YAF2: variants seen among roughly 807,000 people sequenced by gnomAD.
The protein encoded by YAF2 is YY1-associated factor 2.
A neutral mutation model predicts 20.1 loss-of-function variants in YAF2; 7 were observed. The ratio of observed to expected loss-of-function variants is 0.35; its 90% CI spans 0.20 to 0.65. YAF2 has a LOEUF of 0.65. Ranked by LOEUF, YAF2 falls within the 30% of genes least tolerant of loss-of-function variation. YAF2 has a pLI of 0.69. For synonymous variants in YAF2, 74 were observed against 76.0 expected (o/e 0.97, Z 0.14); for missense variants, 151 against 219.2 (o/e 0.69, Z 1.96).
chr12:42,169,936 T>A (rs368152030), intron 2 of YAF2, among the ~76,000 whole-genome samples: 2 of 151,912 alleles, frequency 1.3e-5, no homozygotes, highest in East Asian at 3.9e-4. Context: ...AGTGGTACAA[T>A]CACAACTCAC....
intron 2 of YAF2, among the ~76,000 whole-genome samples, chr12:42,167,638 A>G (rs1036568847): frequency 2.0e-5 from 3 of 152,248 alleles, no homozygotes; most frequent in Non-Finnish European, 4.4e-5. Context: ...TATTAGAATT[A>G]CCATTTTTGG....
At chr12:42,204,992 C>T (rs2066999249) in intron 2 of YAF2, among the ~76,000 whole-genome samples, 1 of 151,456 alleles carries the variant, frequency 6.6e-6, no homozygotes, top group Admixed American at 6.6e-5. Flanking sequence ...CTAAAACCTA[C>T]TGAATTGTAC....
chr12:42,165,180 C>T (rs116006172), intron 2 of YAF2, among the ~76,000 whole-genome samples: 2,677 of 151,826 alleles, frequency 0.018, 82 homozygotes, highest in African/African-American at 0.06. Flanking sequence ...AGGCCCTGCC[C>T]TCATGCGCTA....
In YAF2 at chr12:42,210,811, A is replaced by C. The variant is rs1401579494; in HGVS notation, c.152+26788T>G. ...AGTAAATATGGAAACAATTTGCTAA[A>C]TATAATGTCAGTGGAAACTTCTCAC... On this transcript the variant is annotated intron_variant, in intron 2 of 3. Coordinates refer to ENST00000534854, the MANE Select transcript of YAF2 (RefSeq NM_005748.6). 6.5e-6 allele frequency: 5 copies of C among 764,306 alleles called. 1 individual carries two copies. The African/African-American group carries it at 7.0e-5, about 11-fold the overall frequency. The allele number at this position is 764,306 out of a possible 1,614,324, so 47.3% of individuals were successfully genotyped here. A position where few individuals can be genotyped will look rare whatever the true frequency, so the allele number is the denominator to read the frequency against.
chr12:42,192,019 G>T (rs2066625042), intron 2 of YAF2, among the ~76,000 whole-genome samples: 1 of 151,014 alleles, frequency 6.6e-6, no homozygotes, highest in African/African-American at 2.4e-5. Context: ...TCCAGCCTGG[G>T]CAACAGAGCA....
chr12:42,236,094 C>T (rs2068146146), intron 2 of YAF2: 1 of 1,425,808 alleles, frequency 7.0e-7, no homozygotes, highest in African/African-American at 1.4e-5. Context: ...TATATAGTAC[C>T]AGAGATCAAG....
intron 2 of YAF2, chr12:42,210,480 A>G (rs1358217206): frequency 2.6e-6 from 4 of 1,535,734 alleles, no homozygotes; most frequent in African/African-American, 2.7e-5. Flanking sequence ...GTACAGACGT[A>G]TATGTAAGAA....
At position 42,238,215 on chromosome 12, in the gene YAF2, C is replaced by T; in HGVS notation, c.-35G>A. 1 of 1,489,960 alleles carries T rather than the reference C, an allele frequency of 6.7e-7. No homozygotes were observed. Among genetic ancestry groups the T allele is most frequent in the Non-Finnish European group, 9.0e-7 (1 of 1,112,508 alleles). 92.3% of individuals were successfully genotyped at this position (1,489,960 alleles called of 1,614,324 possible). On this transcript the variant is annotated 5_prime_UTR_variant, in exon 1 of 4. Coordinates refer to ENST00000534854, the MANE Select transcript of YAF2 (RefSeq NM_005748.6). Reference sequence around the variant, plus strand: ...ATCACCGCACGCCGAGAGTCGCCGCCGCGACCGCTCTGTTTGTCAATAAGG... The same window carrying T: ...ATCACCGCACGCCGAGAGTCGCCGCTGCGACCGCTCTGTTTGTCAATAAGG...
intron 1 of YAF2, 92 bp downstream of exon 1, chr12:42,238,063 T>C: frequency 9.1e-7 from 1 of 1,095,850 alleles, no homozygotes. Flanking sequence ...CTCGCCCCGG[T>C]GCCCGGGCGG....
chr12:42,179,906 T>A (rs1180103864), intron 2 of YAF2, among the ~76,000 whole-genome samples: 4 of 151,920 alleles, frequency 2.6e-5, no homozygotes, highest in African/African-American at 9.7e-5. Flanking sequence ...GATAGTATAC[T>A]CACTAATAAA....
At chr12:42,202,470 A>G (rs1038038102) in intron 2 of YAF2, among the ~76,000 whole-genome samples, 11 of 152,300 alleles carry the variant, frequency 7.2e-5, no homozygotes, top group Admixed American at 2.0e-4. Flanking sequence ...ATCACTATAG[A>G]TTATTTCTAC....
chr12:42,220,316 GA>G (rs2067476699), intron 2 of YAF2, among the ~76,000 whole-genome samples: 1 of 151,584 alleles, frequency 6.6e-6, no homozygotes, highest in East Asian at 1.9e-4. Flanking sequence ...ATAATCATGA[GA>G]AAAAGAATTA....
chr12:42,180,751 C>A (rs2066321553), intron 2 of YAF2, among the ~76,000 whole-genome samples: 1 of 152,026 alleles, frequency 6.6e-6, no homozygotes, highest in South Asian at 2.1e-4. Context: ...GAGTTTGAGA[C>A]CAGCCTGGTC....
chr12:42,168,873 T>C (rs1172649118), intron 2 of YAF2, among the ~76,000 whole-genome samples: 1 of 152,156 alleles, frequency 6.6e-6, no homozygotes, highest in South Asian at 2.1e-4. Flanking sequence ...TTTAATTTAC[T>C]AAGTTTAAAA....
In YAF2 at chr12:42,160,526, T is replaced by C; in HGVS notation, c.*63A>G. The C allele has an allele frequency of 8.0e-7, 1 of 1,251,696 alleles. No homozygotes were observed. Among genetic ancestry groups the C allele is most frequent in the Non-Finnish European group, 1.1e-6 (1 of 873,982 alleles). The allele number at this position is 1,251,696 out of a possible 1,614,324, so 77.5% of individuals were successfully genotyped here. A position where few individuals can be genotyped will look rare whatever the true frequency, so the allele number is the denominator to read the frequency against. Reference sequence around the variant, plus strand: ...TCTGTCATGAAAATGTGGTACCTCTTGGCATAATCTGTGTATTTGCATGGT... The same window carrying C: ...TCTGTCATGAAAATGTGGTACCTCTCGGCATAATCTGTGTATTTGCATGGT... On this transcript the variant is annotated 3_prime_UTR_variant, in exon 4 of 4. Coordinates refer to ENST00000534854, the MANE Select transcript of YAF2 (RefSeq NM_005748.6).
chr12:42,205,686 T>C (rs1487111146), intron 2 of YAF2, among the ~76,000 whole-genome samples: 15 of 152,212 alleles, frequency 9.9e-5, no homozygotes, highest in Admixed American at 9.8e-4. Flanking sequence ...GCTGATTATT[T>C]TCTAGTTCAC....
At chr12:42,233,565 G>A (rs1282384747) in intron 2 of YAF2, 3 of 827,806 alleles carry the variant, frequency 3.6e-6, no homozygotes, top group Non-Finnish European at 2.9e-6. Flanking sequence ...AGGCTGGAGT[G>A]CAGTGGTATG....
chr12:42,232,302 A>T, intron 2 of YAF2: 1 of 588,100 alleles, frequency 1.7e-6, no homozygotes, highest in Non-Finnish European at 2.1e-6. Context: ...ACAGTGAAAA[A>T]GGCAAATAAC....
Position 42,176,106 on chromosome 12 carries a change from C to T in YAF2, c.153-14341G>A, listed in dbSNP as rs565504703. 2.6e-5 allele frequency among the ~76,000 whole-genome samples: 4 copies of T among 151,558 alleles called. No homozygotes were observed. In the South Asian group the frequency reaches 6.2e-4, roughly 24 times the overall value. On this transcript the variant is annotated intron_variant, in intron 2 of 3. Coordinates refer to ENST00000534854, the MANE Select transcript of YAF2 (RefSeq NM_005748.6). ...TACTAAAAATACAAAATTTGCCAAA[C>T]GTGGTGGTGTGCATCTGTTATCCCA...
Sources: allele counts gnomAD v4.1 joint callset (sites outside exome capture counted in the v4.1 genomes callset), GRCh38; gene constraint gnomAD v4.1.1; transcripts MANE v1.5; gene names NCBI Gene and HGNC (gene_info 2026-07-23, HGNC 2026-07-21).